ASTN1: variants seen among roughly 807,000 people sequenced by gnomAD.
ASTN1 encodes the protein astrotactin-1.
A neutral mutation model predicts 140.7 loss-of-function variants in ASTN1; 41 were observed. The observed-to-expected ratio is 0.29, with a 90% CI of 0.23 to 0.38. The LOEUF (loss-of-function observed/expected upper bound fraction) is 0.38, where lower values mean the gene tolerates loss of function less well. ASTN1 is among the 10% of genes least tolerant of loss of function. ASTN1 has a pLI of 1.00. For missense variants in ASTN1, 1,479 were observed against 1,678.8 expected (o/e 0.88, Z 2.08); for synonymous variants, 640 against 652.2 (o/e 0.98, Z 0.29).
At chr1:177,090,446 A>G (rs1391697339) in intron 1 of ASTN1, among the ~76,000 whole-genome samples, 1 of 152,204 alleles carries the variant, frequency 6.6e-6, no homozygotes, top group East Asian at 1.9e-4. Context: ...AACAAGATCC[A>G]TGAGAGAGCC....
At chr1:177,127,599 G>A (rs1681718370) in intron 1 of ASTN1, among the ~76,000 whole-genome samples, 1 of 152,150 alleles carries the variant, frequency 6.6e-6, no homozygotes, top group South Asian at 2.1e-4. Flanking sequence ...CTTGGTTAGT[G>A]CTTCACCTCT....
intron 8 of ASTN1, among the ~76,000 whole-genome samples, chr1:176,988,354 A>T (rs1674006718): frequency 6.6e-6 from 1 of 151,430 alleles, no homozygotes; most frequent in Non-Finnish European, 1.5e-5. Context: ...TAGATCCCCA[A>T]ATGTTTGAAC....
intron 3 of ASTN1, among the ~76,000 whole-genome samples, chr1:177,031,333 T>C (rs1036824543): frequency 2.0e-5 from 3 of 152,224 alleles, no homozygotes; most frequent in African/African-American, 4.8e-5. Flanking sequence ...AGGCAGAACA[T>C]GCCCCTTCTC....
At chr1:176,960,324 G>A (rs1230839705) in intron 9 of ASTN1, among the ~76,000 whole-genome samples, 1 of 152,108 alleles carries the variant, frequency 6.6e-6, no homozygotes, top group East Asian at 1.9e-4. Flanking sequence ...GTACCAAGGA[G>A]GAGGCAGCTT....
chr1:177,080,103 G>GTT (rs745481678), intron 1 of ASTN1, among the ~76,000 whole-genome samples: 47 of 152,050 alleles, frequency 3.1e-4, no homozygotes, highest in South Asian at 1.5e-3. Context: ...TAATGCTTAA[G>GTT]CAACAATGTC....
In ASTN1 at chr1:176,868,915, G is replaced by T; in HGVS notation, c.3576C>A (p.Leu1192=). The change falls in exon 22 of 23, where the codon CTC becomes CTA. Residue 1192 remains leucine, a synonymous_variant. Transcript: ENST00000361833. The part of the protein sequence containing the change: ...DLGSPTLHRV[L]YHYNQHYESF... ...TCTCATAGTGCTGGTTATAGTGGTA[G>T]AGGACCCGGTGTAAGGTGGGGGAAC... The T allele has an allele frequency of 1.2e-6, 2 of 1,612,366 alleles. No individual in the cohort carries two copies. Among genetic ancestry groups the T allele is most frequent in the Non-Finnish European group, 8.5e-7 (1 of 1,178,824 alleles).
At position 177,057,680 on chromosome 1, in the gene ASTN1, A is replaced by T. The variant is rs186402049; in HGVS notation, c.471+3398T>A. Reference sequence around the variant, plus strand: ...CTCTTTTTCCAATTATGCTATTTTGATCTAATTTGAAAACTGTATCAATAT... The same window carrying T: ...CTCTTTTTCCAATTATGCTATTTTGTTCTAATTTGAAAACTGTATCAATAT... On this transcript the variant is annotated intron_variant, in intron 2 of 22. Transcript: ENST00000361833. Among the ~76,000 whole-genome samples the T allele has an allele frequency of 1.4e-3, 214 of 152,212 alleles. 2 individuals carry two copies. The highest frequency in any genetic ancestry group is 5.1e-3 in the African/African-American group (210 of 41,544).
chr1:176,883,698 G>C (rs1186780839), intron 19 of ASTN1, among the ~76,000 whole-genome samples: 1 of 152,170 alleles, frequency 6.6e-6, no homozygotes, highest in Non-Finnish European at 1.5e-5. Flanking sequence ...TTTTGAATTA[G>C]ATTGTTGGTG....
intron 7 of ASTN1, among the ~76,000 whole-genome samples, chr1:177,019,719 TAC>T (rs1214833523): frequency 6.6e-6 from 1 of 152,114 alleles, no homozygotes; most frequent in African/African-American, 2.4e-5. Flanking sequence ...AGAATAGAAA[TAC>T]AGAGGGAGGC....
rs1668036476 is a variant in ASTN1 at position 176,863,614 on chromosome 1, C to T, written c.*670G>A. 6 of 985,392 alleles carry T rather than the reference C, an allele frequency of 6.1e-6. No homozygotes were observed. The highest frequency in any genetic ancestry group is 4.7e-5 in the South Asian group (1 of 21,294). The allele number at this position is 985,392 out of a possible 1,614,324, so 61.0% of individuals were successfully genotyped here. On this transcript the variant is annotated 3_prime_UTR_variant, in exon 23 of 23. Transcript: ENST00000361833. ...GAGATCTGACAGAGGGAGATTTAAT[C>T]CCAGTCCTGGCTTAAAATAAGGAAG...
chr1:177,068,317 T>G (rs1306413419), intron 1 of ASTN1, among the ~76,000 whole-genome samples: 1 of 152,164 alleles, frequency 6.6e-6, no homozygotes, highest in East Asian at 1.9e-4. Flanking sequence ...GCTTAAAATT[T>G]CAAAAAGCTC....
intron 2 of ASTN1, among the ~76,000 whole-genome samples, chr1:177,046,654 A>G (rs898871321): frequency 6.6e-6 from 1 of 152,214 alleles, no homozygotes; most frequent in African/African-American, 2.4e-5. Context: ...TATCAACTTA[A>G]AAAATTATAT....
At chr1:177,063,778 T>C (rs1678215399) in intron 1 of ASTN1, among the ~76,000 whole-genome samples, 2 of 152,156 alleles carry the variant, frequency 1.3e-5, no homozygotes, top group African/African-American at 4.8e-5. Flanking sequence ...AACCAAACTC[T>C]GTCTCCTAAC....
chr1:177,120,210 G>A (rs948230626), intron 1 of ASTN1, among the ~76,000 whole-genome samples: 4 of 152,182 alleles, frequency 2.6e-5, no homozygotes, highest in African/African-American at 7.2e-5. Context: ...TTTAATCAAA[G>A]TATTCAAACG....
chr1:177,028,854 CAG>C (rs1202287589), intron 5 of ASTN1, among the ~76,000 whole-genome samples: 2 of 152,214 alleles, frequency 1.3e-5, no homozygotes, highest in African/African-American at 4.8e-5. Flanking sequence ...AACTGAAGGT[CAG>C]AGAACTTGTT....
chr1:176,966,165 T>C (rs1317159768), intron 8 of ASTN1, among the ~76,000 whole-genome samples: 3 of 152,178 alleles, frequency 2.0e-5, no homozygotes, highest in Non-Finnish European at 2.9e-5. Flanking sequence ...TTATTGACAA[T>C]TTTACTGTAG....
chr1:177,079,027 G>A (rs553910193), intron 1 of ASTN1, among the ~76,000 whole-genome samples: 1 of 152,270 alleles, frequency 6.6e-6, no homozygotes, highest in African/African-American at 2.4e-5. Context: ...AATGGCTTTT[G>A]AAATCAAATT....
intron 1 of ASTN1, among the ~76,000 whole-genome samples, chr1:177,106,859 C>G (rs935302608): frequency 6.6e-6 from 1 of 152,138 alleles, no homozygotes; most frequent in Non-Finnish European, 1.5e-5. Flanking sequence ...AATTCCCTCC[C>G]AAGTCCAGGA....
In ASTN1 at chr1:176,888,065, C is replaced by G; in HGVS notation, c.3074+6G>C. On this transcript the variant is annotated splice_donor_region_variant and intron_variant, in intron 18 of 22. Coordinates refer to ENST00000361833, the MANE Select transcript of ASTN1 (RefSeq NM_004319.3). Reference sequence around the variant, plus strand: ...GTAATGCTGAAAGAGAGAAAGAGAACCATACACAGGCTGTGGGAGAGGCGC... The same window carrying G: ...GTAATGCTGAAAGAGAGAAAGAGAAGCATACACAGGCTGTGGGAGAGGCGC... The G allele has an allele frequency of 6.2e-7, 1 of 1,614,054 alleles. No individual in the cohort carries two copies. Among genetic ancestry groups the G allele is most frequent in the South Asian group, 1.1e-5 (1 of 91,080 alleles).
Sources: gnomAD v4.1 joint callset for allele counts (sites outside exome capture counted in the v4.1 genomes callset) on GRCh38, gnomAD v4.1.1 for gene constraint, MANE v1.5 for transcripts, NCBI Gene and HGNC (gene_info 2026-07-23, HGNC 2026-07-21) for gene names.